Variants in CCDC39 observed in about 807,000 individuals in gnomAD.
CCDC39 encodes coiled-coil domain 39 molecular ruler complex subunit, also known as coiled-coil domain-containing protein 39.
Under a neutral mutation model 121.0 loss-of-function variants are expected in CCDC39, and 113 were observed. The observed-to-expected ratio is 0.93, with a 90% CI of 0.80 to 1.09. CCDC39 has a LOEUF of 1.09. CCDC39 is among the 50% of genes least tolerant of loss of function. The pLI is 0.00. For missense variants in CCDC39, 1,063 were observed against 1,074.7 expected, an observed-to-expected ratio of 0.99 and a Z score of 0.15; for synonymous variants, 349 against 352.2, an observed-to-expected ratio of 0.99 and a Z score of 0.10.
intron 13 of CCDC39, among the ~76,000 whole-genome samples, chr3:180,633,430 G>T (rs376754692): frequency 4.6e-5 from 7 of 152,088 alleles, no homozygotes; most frequent in African/African-American, 1.7e-4. Context: ...AAAACAAGAT[G>T]GGCTGCTATG....
chr3:180,673,065 C>T (rs1712093896), intron 1 of CCDC39, among the ~76,000 whole-genome samples: 1 of 152,286 alleles, frequency 6.6e-6, no homozygotes, highest in Middle Eastern at 3.4e-3. Flanking sequence ...ATTTTATTAA[C>T]AAACTTGAAC....
At chr3:180,656,262 T>G (rs1711573224) in intron 6 of CCDC39, among the ~76,000 whole-genome samples, 1 of 152,202 alleles carries the variant, frequency 6.6e-6, no homozygotes, top group South Asian at 2.1e-4. Flanking sequence ...TAATTCTACT[T>G]CAACATCATA....
chr3:180,632,055 C>G (rs1717711519), intron 13 of CCDC39, among the ~76,000 whole-genome samples: 1 of 152,174 alleles, frequency 6.6e-6, no homozygotes, highest in African/African-American at 2.4e-5. Context: ...ATGCTGCAAA[C>G]AGTAGATTTG....
At chr3:180,648,098 T>C in intron 10 of CCDC39, 67 bp downstream of exon 10, 1 of 1,261,490 alleles carries the variant, frequency 7.9e-7, no homozygotes, top group Non-Finnish European at 1.1e-6. Context: ...TCTTAGAACA[T>C]GGCGTATCTT....
intron 13 of CCDC39, among the ~76,000 whole-genome samples, chr3:180,634,739 C>T (rs147308293): frequency 6.6e-6 from 1 of 152,200 alleles, no homozygotes; most frequent in Non-Finnish European, 1.5e-5. Context: ...CAAGCAAGAG[C>T]CTACCTACTG....
At chr3:180,622,977 A>G (rs1391705845) in intron 14 of CCDC39, among the ~76,000 whole-genome samples, 1 of 151,956 alleles carries the variant, frequency 6.6e-6, no homozygotes, top group Non-Finnish European at 1.5e-5. Flanking sequence ...ATATTTTGGA[A>G]CAGTTTCAGG....
chr3:180,659,730 T>C lies in CCDC39; in HGVS notation c.556A>G (p.Asn186Asp). The C allele has an allele frequency of 2.5e-6, 4 of 1,612,634 alleles. No individual in the cohort carries two copies. Among genetic ancestry groups the C allele is most frequent in the Non-Finnish European group, 2.5e-6 (3 of 1,179,354 alleles). ...LQLERLTLEC[N>D]QKRKILDNEL... ...TTGTCAAGTATCTTTCTTTTCTGATTACATTCCAAAGTTAGTCTTTCTAAT... is the reference window on the plus strand; with the variant it reads ...TTGTCAAGTATCTTTCTTTTCTGATCACATTCCAAAGTTAGTCTTTCTAAT... The change falls in exon 5 of 20, where the codon AAT becomes GAT. Residue 186 changes from asparagine (N) to aspartate (D), a missense_variant. Coordinates refer to ENST00000476379, the MANE Select transcript of CCDC39 (RefSeq NM_181426.2).
At chr3:180,664,229 G>A (rs1711815344) in intron 1 of CCDC39, among the ~76,000 whole-genome samples, 1 of 152,088 alleles carries the variant, frequency 6.6e-6, no homozygotes, top group Admixed American at 6.6e-5. Context: ...TCCTGGTGAG[G>A]GCCCTCTTTC....
intron 1 of CCDC39, among the ~76,000 whole-genome samples, chr3:180,672,661 G>T (rs571051113): frequency 6.6e-6 from 1 of 152,112 alleles, no homozygotes; most frequent in Admixed American, 6.6e-5. Context: ...TGATGGAGAC[G>T]TACAAAGAGA....
At position 180,639,875 on chromosome 3, in the gene CCDC39, T is replaced by C. The variant is rs796690377; in HGVS notation, c.1874+2118A>G. On this transcript the variant is annotated intron_variant, in intron 13 of 19. Transcript: ENST00000476379. ...ATCTAGCTCTTAGAGAAAAAGTGTG[T>C]CAACCCCTGACAAAAAGGAATGTAT... Among the ~76,000 whole-genome samples the C allele has an allele frequency of 1.3e-4, 20 of 152,198 alleles. 2 individuals are homozygous for C. Among genetic ancestry groups the C allele is most frequent in the African/African-American group, 4.8e-4 (20 of 41,556 alleles).
In CCDC39 at chr3:180,624,767, G is replaced by A. The variant is rs979928401; in HGVS notation, c.1999-4797C>T. On this transcript the variant is annotated intron_variant, in intron 14 of 19. Transcript: ENST00000476379. ...TATTCTTGCTGGATATAAAATTGGG[G>A]GCTGACAGGTGTTTTTTGGTTTTAT... Among the ~76,000 whole-genome samples, 9 of 152,046 alleles carry A rather than the reference G, an allele frequency of 5.9e-5. No individual in the cohort carries two copies. In the East Asian group the frequency reaches 1.2e-3, roughly 20 times the overall value.
At chr3:180,633,593 T>G (rs9864971) in intron 13 of CCDC39, among the ~76,000 whole-genome samples, 21,104 of 150,560 alleles carry the variant, frequency 0.14, 3,012 homozygotes, top group African/African-American at 0.37. Flanking sequence ...GAGAGAGAGA[T>G]AAAGAATATC....
In CCDC39 at chr3:180,651,634, G is replaced by A. The variant is rs565754161; in HGVS notation, c.1035-101C>T. 418 of 1,174,504 alleles carry A rather than the reference G, an allele frequency of 3.6e-4. 1 individual carries two copies. The highest frequency in any genetic ancestry group is 4.4e-4 in the Non-Finnish European group (384 of 877,358). The allele number at this position is 1,174,504 out of a possible 1,614,324, so 72.8% of individuals were successfully genotyped here. A position where few individuals can be genotyped will look rare whatever the true frequency, so the allele number is the denominator to read the frequency against. ...TAATATTTATTTGTATAACTTGAAGGGGTTTTTTGCGTAAACCTTTTTATT... is the reference window on the plus strand; with the variant it reads ...TAATATTTATTTGTATAACTTGAAGAGGTTTTTTGCGTAAACCTTTTTATT... On this transcript the variant is annotated intron_variant, in intron 8 of 19. Coordinates refer to ENST00000476379, the MANE Select transcript of CCDC39 (RefSeq NM_181426.2).
At chr3:180,671,268 C>G (rs1518864) in intron 1 of CCDC39, among the ~76,000 whole-genome samples, 1 of 150,978 alleles carries the variant, frequency 6.6e-6, no homozygotes, top group African/African-American at 2.4e-5. Flanking sequence ...ACCCAATCAC[C>G]TGGAAGTTAC....
rs573586975 is a variant in CCDC39, at chr3:180,629,222, T to C, written c.1998+2247A>G. 2.4e-3 allele frequency among the ~76,000 whole-genome samples: 358 copies of C among 152,316 alleles called. 2 individuals are homozygous for C. Among genetic ancestry groups the C allele is most frequent in the African/African-American group, 8.2e-3 (342 of 41,568 alleles). On this transcript the variant is annotated intron_variant, in intron 14 of 19. Transcript: ENST00000476379. Reference sequence around the variant, plus strand: ...GAAAACAGATTTTATATTATAGACATGTTGAATCAGAAATGCTGACATGAA... The same window carrying C: ...GAAAACAGATTTTATATTATAGACACGTTGAATCAGAAATGCTGACATGAA...
At chr3:180,636,643 A>G (rs990190419) in intron 13 of CCDC39, among the ~76,000 whole-genome samples, 5 of 152,222 alleles carry the variant, frequency 3.3e-5, no homozygotes, top group African/African-American at 1.2e-4. Flanking sequence ...CTAAACAAAA[A>G]TAACAAAGCT....
chr3:180,614,808 C>A lies in CCDC39; in HGVS notation c.*113G>T. On this transcript the variant is annotated 3_prime_UTR_variant, in exon 20 of 20. Transcript: ENST00000476379. The stretch of plus-strand genomic sequence containing the variant: ...TTTTTTAAAACTATCAGTTTTTACA[C>A]TTACCACTAAGTTTTTACACTTTCC... 2.2e-6 allele frequency: 2 copies of A among 911,808 alleles called. No individual in the cohort carries two copies. The highest frequency in any genetic ancestry group is 3.2e-6 in the Non-Finnish European group (2 of 626,986). The allele number at this position is 911,808 out of a possible 1,614,324, so 56.5% of individuals were successfully genotyped here.
chr3:180,674,565 A>G (rs1255362138), intron 1 of CCDC39, among the ~76,000 whole-genome samples: 5 of 152,320 alleles, frequency 3.3e-5, no homozygotes, highest in African/African-American at 4.8e-5. Context: ...CCAGTTTTCA[A>G]AGGGAATGCT....
chr3:180,616,989 T>A (rs1361881561), intron 16 of CCDC39, 23 bp from the exon 17 acceptor site: 6 of 1,193,946 alleles, frequency 5.0e-6, no homozygotes, highest in Non-Finnish European at 6.9e-6. Flanking sequence ...TATTAACATG[T>A]ATTTTTTAGA....
Sources: allele counts gnomAD v4.1 joint callset (sites outside exome capture counted in the v4.1 genomes callset), GRCh38; gene constraint gnomAD v4.1.1; transcripts MANE v1.5; gene names NCBI Gene and HGNC (gene_info 2026-07-23, HGNC 2026-07-21).